Variants in CAMK1D observed in about 807,000 individuals in gnomAD.
The protein encoded by CAMK1D is calcium/calmodulin dependent protein kinase ID, also known as calcium/calmodulin-dependent protein kinase type 1D.
In CAMK1D, 9 loss-of-function variants were observed where a neutral mutation model predicts 47.7. The ratio of observed to expected loss-of-function variants is 0.19; its 90% confidence interval spans 0.11 to 0.33. The LOEUF is 0.33. CAMK1D is among the 10% of genes least tolerant of loss of function. CAMK1D has a pLI of 1.00. For missense variants in CAMK1D, 291 were observed against 488.7 expected (o/e 0.60, Z 3.81); for synonymous variants, 184 against 184.9 (o/e 0.99, Z 0.04).
Position 12,769,708 on chromosome 10 carries a change from G to A in CAMK1D, c.474G>A (p.Glu158=), listed in dbSNP as rs1035546416. The change falls in exon 5 of 11, where the codon GAG becomes GAA. Residue 158 remains glutamate (E), a synonymous_variant. Transcript: ENST00000619168. ...ENLLYYSQDE[E]SKIMISDFGL... ...TCTTGTACTACAGTCAAGATGAGGAGTCCAAAATAATGATCAGTGACTTTG... is the reference window on the plus strand; with the variant it reads ...TCTTGTACTACAGTCAAGATGAGGAATCCAAAATAATGATCAGTGACTTTG... The A allele has an allele frequency of 5.6e-6, 9 of 1,614,126 alleles. No homozygotes were observed. The highest frequency in any genetic ancestry group is 1.3e-5 in the African/African-American group (1 of 75,044).
intron 2 of CAMK1D, among the ~76,000 whole-genome samples, chr10:12,602,189 T>A (rs977616264): frequency 6.6e-6 from 1 of 152,264 alleles, no homozygotes; most frequent in African/African-American, 2.4e-5. Context: ...AAGCCCTGTA[T>A]AAACTCATTT....
chr10:12,351,963 A>G (rs1837366135), intron 1 of CAMK1D, among the ~76,000 whole-genome samples: 1 of 152,210 alleles, frequency 6.6e-6, no homozygotes, highest in Non-Finnish European at 1.5e-5. Context: ...ACTCCACATA[A>G]TAATCATGGT....
At chr10:12,711,048 G>A (rs1285832136) in intron 3 of CAMK1D, among the ~76,000 whole-genome samples, 1 of 152,118 alleles carries the variant, frequency 6.6e-6, no homozygotes, top group Non-Finnish European at 1.5e-5. Flanking sequence ...GTTGGATAGA[G>A]CTCCCAGTCA....
At chr10:12,387,690 A>T (rs987405999) in intron 1 of CAMK1D, among the ~76,000 whole-genome samples, 3 of 150,792 alleles carry the variant, frequency 2.0e-5, no homozygotes, top group Non-Finnish European at 4.4e-5. Flanking sequence ...GGTTCTCGCT[A>T]TGTTGCTCAG....
intron 1 of CAMK1D, among the ~76,000 whole-genome samples, chr10:12,403,116 G>A (rs183653799): frequency 2.4e-4 from 37 of 152,266 alleles, no homozygotes; most frequent in Admixed American, 1.5e-3. Flanking sequence ...GGAACAAGCA[G>A]CAAATGTGTG....
At chr10:12,359,902 G>A (rs1394007030) in intron 1 of CAMK1D, among the ~76,000 whole-genome samples, 1 of 152,114 alleles carries the variant, frequency 6.6e-6, no homozygotes, top group Non-Finnish European at 1.5e-5. Flanking sequence ...CCCTTTTGGG[G>A]GATTTTTGCA....
chr10:12,797,322 C>T (rs1838239058), intron 6 of CAMK1D, among the ~76,000 whole-genome samples: 1 of 151,944 alleles, frequency 6.6e-6, no homozygotes, highest in Admixed American at 6.6e-5. Context: ...CCTCAGCTTC[C>T]AAGTAGCTGG....
At chr10:12,552,934 G>C (rs1836633371) in intron 1 of CAMK1D, among the ~76,000 whole-genome samples, 1 of 152,164 alleles carries the variant, frequency 6.6e-6, no homozygotes, top group South Asian at 2.1e-4. Flanking sequence ...GTAGAGACGG[G>C]GTTTCATCAT....
chr10:12,785,804 A>T (rs184672325), intron 5 of CAMK1D, among the ~76,000 whole-genome samples: 174 of 152,316 alleles, frequency 1.1e-3, no homozygotes, highest in African/African-American at 4.0e-3. Flanking sequence ...TCCCAGGGCT[A>T]TGTACCTCAC....
At chr10:12,696,033 G>A (rs1291205252) in intron 3 of CAMK1D, among the ~76,000 whole-genome samples, 1 of 152,084 alleles carries the variant, frequency 6.6e-6, no homozygotes, top group East Asian at 1.9e-4. Flanking sequence ...AGTTGAGATT[G>A]CGCCATTGCA....
chr10:12,439,823 A>G (rs1238682396), intron 1 of CAMK1D, among the ~76,000 whole-genome samples: 1 of 152,224 alleles, frequency 6.6e-6, no homozygotes, highest in Non-Finnish European at 1.5e-5. Flanking sequence ...AAAGAGGTTT[A>G]ATGGACTCAC....
At position 12,514,760 on chromosome 10, in the gene CAMK1D, A is replaced by G. The variant is rs1197566359; in HGVS notation, c.93-38465A>G. On this transcript the variant is annotated intron_variant, in intron 1 of 10. Transcript: ENST00000619168. ...TGATATTATTCGCTTTCCCCACTCA[A>G]TAAGAAGTGTCTAATACAATGTGTG... Among the ~76,000 whole-genome samples the G allele has an allele frequency of 2.0e-5, 3 of 152,262 alleles. No homozygotes were observed. The East Asian group carries it at 5.8e-4, about 29-fold the overall frequency.
chr10:12,690,395 A>C (rs750536868), intron 3 of CAMK1D, among the ~76,000 whole-genome samples: 14 of 152,190 alleles, frequency 9.2e-5, no homozygotes, highest in Non-Finnish European at 1.9e-4. Flanking sequence ...AAACAGAAGC[A>C]CAGCCTGTAG....
intron 1 of CAMK1D, among the ~76,000 whole-genome samples, chr10:12,362,015 C>A (rs879512181): frequency 6.6e-6 from 1 of 152,072 alleles, no homozygotes; most frequent in Non-Finnish European, 1.5e-5. Flanking sequence ...TCTTTCTTCC[C>A]CCTTCTTTCT....
chr10:12,778,747 C>T (rs373246227), intron 5 of CAMK1D, among the ~76,000 whole-genome samples: 29 of 152,244 alleles, frequency 1.9e-4, no homozygotes, highest in African/African-American at 6.5e-4. Context: ...GTGGCACACA[C>T]CTGTAGTCCC....
intron 6 of CAMK1D, among the ~76,000 whole-genome samples, chr10:12,796,136 T>G (rs1280665453): frequency 6.6e-6 from 1 of 152,214 alleles, no homozygotes; most frequent in African/African-American, 2.4e-5. Flanking sequence ...TTGCCTAAAT[T>G]ATGCTCAAGT....
chr10:12,400,106 T>TA (rs1839121716), intron 1 of CAMK1D, among the ~76,000 whole-genome samples: 1 of 152,216 alleles, frequency 6.6e-6, no homozygotes, highest in African/African-American at 2.4e-5. Context: ...GGGATGTCAT[T>TA]TGCGCCTGGA....
At chr10:12,426,445 C>T (rs1337883584) in intron 1 of CAMK1D, among the ~76,000 whole-genome samples, 1 of 152,184 alleles carries the variant, frequency 6.6e-6, no homozygotes, top group Non-Finnish European at 1.5e-5. Flanking sequence ...GGGGTTTCTC[C>T]ATATTGGTCA....
chr10:12,412,435 C>T lies in CAMK1D; in HGVS notation c.92+62525C>T, dbSNP rs563312156. ...GACCAGCCTGGCCAACATGGCAAAA[C>T]CCTGTCTTTACTAAAAATACAAAAA... On this transcript the variant is annotated intron_variant, in intron 1 of 10. Transcript: ENST00000619168. 7.7e-3 allele frequency among the ~76,000 whole-genome samples: 1,085 copies of T among 140,170 alleles called. 4 individuals carry two copies. Among genetic ancestry groups the T allele is most frequent in the Non-Finnish European group, 0.013 (858 of 65,662 alleles). The allele number at this position is 140,170 out of a possible 152,430, so 92.0% of individuals were successfully genotyped here.
Sources: allele counts gnomAD v4.1 joint callset (sites outside exome capture counted in the v4.1 genomes callset), GRCh38; gene constraint gnomAD v4.1.1; transcripts MANE v1.5; gene names NCBI Gene and HGNC (gene_info 2026-07-23, HGNC 2026-07-21).